CCDC73: variants seen among roughly 807,000 people sequenced by gnomAD.
CCDC73 encodes coiled-coil domain-containing protein 73.
CCDC73 carries 95 observed loss-of-function variants against 116.5 expected under a neutral mutation model. The ratio of observed to expected loss-of-function variants is 0.82; its 90% CI spans 0.69 to 0.97. CCDC73 has a LOEUF of 0.97. CCDC73 is among the 50% of genes least tolerant of loss of function. The pLI is 0.00. For synonymous variants in CCDC73, 398 were observed against 401.3 expected (o/e 0.99, Z 0.10); for missense variants, 1,066 against 1,206.8 (o/e 0.88, Z 1.73).
At chr11:32,636,568 T>C (rs12285254) in intron 13 of CCDC73, among the ~76,000 whole-genome samples, 1 of 152,082 alleles carries the variant, frequency 6.6e-6, no homozygotes, top group Non-Finnish European at 1.5e-5. Flanking sequence ...TTTATAAAAG[T>C]TTAAAAGTTT....
At chr11:32,736,227 T>A (rs1279997251) in intron 2 of CCDC73, among the ~76,000 whole-genome samples, 1 of 152,114 alleles carries the variant, frequency 6.6e-6, no homozygotes, top group Non-Finnish European at 1.5e-5. Context: ...ACAGGCAACC[T>A]ACAGAATGGA....
chr11:32,661,150 C>A (rs920296237), intron 9 of CCDC73, among the ~76,000 whole-genome samples: 1 of 152,062 alleles, frequency 6.6e-6, no homozygotes, highest in Non-Finnish European at 1.5e-5. Context: ...ATATCAAATA[C>A]CTTCAAGGTG....
At chr11:32,766,039 A>T (rs1003878907) in intron 1 of CCDC73, among the ~76,000 whole-genome samples, 1 of 152,260 alleles carries the variant, frequency 6.6e-6, no homozygotes. Flanking sequence ...CTTAATGAAC[A>T]TCGATGCAAA....
At chr11:32,640,995 G>A (rs1855727581) in intron 13 of CCDC73, among the ~76,000 whole-genome samples, 1 of 149,978 alleles carries the variant, frequency 6.7e-6, no homozygotes. Context: ...TAGCCTGGGG[G>A]ACAGAGTGAG....
chr11:32,670,350 G>A (rs535794212), intron 9 of CCDC73, among the ~76,000 whole-genome samples: 57 of 152,100 alleles, frequency 3.7e-4, no homozygotes, highest in Non-Finnish European at 6.9e-4. Context: ...GTGAAACCCC[G>A]TCTCTACTAA....
intron 6 of CCDC73, among the ~76,000 whole-genome samples, chr11:32,688,122 G>A (rs1337646693): frequency 1.3e-5 from 2 of 152,058 alleles, no homozygotes; most frequent in Non-Finnish European, 2.9e-5. Flanking sequence ...CACAAAACAC[G>A]CTGATTACAA....
chr11:32,799,028 GC>G (rs1341739257), upstream of CCDC73, among the ~76,000 whole-genome samples: 2 of 151,200 alleles, frequency 1.3e-5, no homozygotes, highest in Non-Finnish European at 2.9e-5. Context: ...TCCCTCCTCA[GC>G]CCCACAAGTA....
chr11:32,687,703 C>T (rs1443852909), intron 6 of CCDC73, among the ~76,000 whole-genome samples: 1 of 151,930 alleles, frequency 6.6e-6, no homozygotes, highest in Non-Finnish European at 1.5e-5. Context: ...CTAGCTCTGT[C>T]GACTGAGGGG....
At chr11:32,779,271 A>G (rs954690526) in intron 1 of CCDC73, among the ~76,000 whole-genome samples, 5 of 151,142 alleles carry the variant, frequency 3.3e-5, no homozygotes, top group African/African-American at 9.8e-5. Context: ...GGCAAAAAAA[A>G]AAAAAAAAAA....
At chr11:32,825,295 CTTTT>C in the CCDC73 span, among the ~76,000 whole-genome samples, 3 of 64,466 alleles carry the variant, frequency 4.7e-5, no homozygotes, top group Admixed American at 1.9e-4. Context: ...CTGATGCAGA[CTTTT>C]TTTTTTTTTT....
chr11:32,671,398 C>CAAA (rs58075036), intron 9 of CCDC73, among the ~76,000 whole-genome samples: 2 of 122,416 alleles, frequency 1.6e-5, no homozygotes, highest in South Asian at 2.5e-4. Flanking sequence ...AACTTTGCTC[C>CAAA]AAAAAAAAAA....
At chr11:32,624,121 C>T (rs1418115816) in intron 14 of CCDC73, among the ~76,000 whole-genome samples, 2 of 150,930 alleles carry the variant, frequency 1.3e-5, no homozygotes, top group African/African-American at 4.9e-5. Flanking sequence ...ATCACAAGGT[C>T]AGGAGATCGA....
chr11:32,683,608 TAC>T, intron 6 of CCDC73, 34 bp from the exon 7 acceptor site: 1 of 1,246,996 alleles, frequency 8.0e-7, no homozygotes, highest in Non-Finnish European at 1.2e-6. Flanking sequence ...CTCATTAAAA[TAC>T]TTTAATTATC....
intron 3 of CCDC73, among the ~76,000 whole-genome samples, chr11:32,715,394 T>C (rs778572994): frequency 2.0e-5 from 3 of 152,150 alleles, no homozygotes; most frequent in Non-Finnish European, 4.4e-5. Flanking sequence ...CGTTGGTGTG[T>C]TCAGAAGTGT....
intron 13 of CCDC73, among the ~76,000 whole-genome samples, chr11:32,639,249 T>C (rs746870767): frequency 6.6e-6 from 1 of 152,086 alleles, no homozygotes; most frequent in African/African-American, 2.4e-5. Context: ...AGAAAATGAT[T>C]TATTTTGTGC....
chr11:32,764,622 A>C (rs567581937), intron 1 of CCDC73, among the ~76,000 whole-genome samples: 6 of 152,200 alleles, frequency 3.9e-5, no homozygotes, highest in Admixed American at 2.6e-4. Flanking sequence ...AGCACTAAAC[A>C]TGGAAAGGAA....
chr11:32,675,829 T>TAC, intron 8 of CCDC73, 57 bp downstream of exon 8: 1 of 1,403,424 alleles, frequency 7.1e-7, no homozygotes, highest in Non-Finnish European at 9.8e-7. Context: ...TCATAGTAAA[T>TAC]AAGTCCATTC....
chr11:32,818,722 G>A, the CCDC73 span, among the ~76,000 whole-genome samples: 9 of 150,106 alleles, frequency 6.0e-5, no homozygotes, highest in Non-Finnish European at 1.2e-4. Flanking sequence ...TTATTATTTA[G>A]CCATAAAAAG....
At chr11:32,802,930 T>TG in the CCDC73 span, among the ~76,000 whole-genome samples, 2 of 151,786 alleles carry the variant, frequency 1.3e-5, no homozygotes, top group African/African-American at 4.8e-5. Flanking sequence ...TTTTTCTTTT[T>TG]TTTTTTTTTC....
Sources: allele counts gnomAD v4.1 joint callset (sites outside exome capture counted in the v4.1 genomes callset), GRCh38; gene constraint gnomAD v4.1.1; transcripts MANE v1.5; gene names NCBI Gene and HGNC (gene_info 2026-07-23, HGNC 2026-07-21).